The following DNAH9 variants were observed in gnomAD, a reference collection of about 807,000 sequenced individuals.
The protein encoded by DNAH9 is dynein axonemal heavy chain 9, also known as DNAH9 variant protein.
In DNAH9, 345 loss-of-function variants were observed where a neutral mutation model predicts 471.6. The observed-to-expected ratio is 0.73, with a 90% confidence interval of 0.67 to 0.80. The LOEUF is 0.80. Among genes scored for constraint, DNAH9 ranks in the 30% least tolerant of loss-of-function variants. DNAH9 has a pLI of 0.00. For missense variants in DNAH9, 5,407 were observed against 5,609.2 expected (o/e 0.96, Z 1.15); for synonymous variants, 2,093 against 2,123.6 (o/e 0.99, Z 0.40).
intron 21 of DNAH9, 90 bp downstream of exon 21, chr17:11,694,088 T>C (rs2074386385): frequency 2.0e-6 from 3 of 1,499,654 alleles, no homozygotes; most frequent in Non-Finnish European, 2.7e-6. Flanking sequence ...GAAGTGAGTA[T>C]GGGTGCCTTG....
At chr17:11,655,931 T>C (rs1256657807) in intron 14 of DNAH9, among the ~76,000 whole-genome samples, 1 of 152,080 alleles carries the variant, frequency 6.6e-6, no homozygotes, top group Non-Finnish European at 1.5e-5. Context: ...CACATACATA[T>C]ACATATCACA....
intron 59 of DNAH9, among the ~76,000 whole-genome samples, chr17:11,900,195 C>T (rs1973360682): frequency 6.6e-6 from 1 of 152,018 alleles, no homozygotes; most frequent in Admixed American, 6.6e-5. Context: ...CCCGGTGCCT[C>T]CTGCTCCACT....
chr17:11,813,720 T>G (rs1970000303), intron 45 of DNAH9, among the ~76,000 whole-genome samples: 1 of 152,226 alleles, frequency 6.6e-6, no homozygotes, highest in African/African-American at 2.4e-5. Flanking sequence ...TTTCATTTCT[T>G]GTTTTCCTGA....
intron 6 of DNAH9, among the ~76,000 whole-genome samples, chr17:11,621,621 C>A (rs1242307125): frequency 6.6e-6 from 1 of 152,112 alleles, no homozygotes; most frequent in Non-Finnish European, 1.5e-5. Context: ...CACCATGTGC[C>A]AGGCACGGAG....
At chr17:11,926,697 G>A (rs773077938) in intron 62 of DNAH9, among the ~76,000 whole-genome samples, 3 of 152,108 alleles carry the variant, frequency 2.0e-5, no homozygotes, top group Non-Finnish European at 4.4e-5. Flanking sequence ...TTGCTATTGT[G>A]AATAGTGCTG....
chr17:11,670,860 C>T (rs887962593), intron 17 of DNAH9, among the ~76,000 whole-genome samples: 2 of 152,142 alleles, frequency 1.3e-5, no homozygotes, highest in South Asian at 2.1e-4. Context: ...TGTGCCACCA[C>T]GCCTGGGTAA....
intron 67 of DNAH9, among the ~76,000 whole-genome samples, chr17:11,954,670 A>G (rs954124419): frequency 1.3e-5 from 2 of 151,958 alleles, no homozygotes; most frequent in Non-Finnish European, 2.9e-5. Flanking sequence ...GGGACAAGAA[A>G]TGTTAAAGAA....
intron 61 of DNAH9, among the ~76,000 whole-genome samples, chr17:11,907,007 TTAAAA>T (rs772659647): frequency 7.9e-4 from 120 of 152,204 alleles, no homozygotes; most frequent in Non-Finnish European, 1.3e-3. Context: ...ACCACTGAAC[TTAAAA>T]TAAAGTTAAA....
At chr17:11,698,117 CTA>C (rs1432567568) in intron 22 of DNAH9, among the ~76,000 whole-genome samples, 2 of 125,858 alleles carry the variant, frequency 1.6e-5, no homozygotes, top group Non-Finnish European at 3.1e-5. Context: ...TAAAATTTAG[CTA>C]TATATAATAT....
chr17:11,703,626 C>A (rs2074642979), intron 24 of DNAH9, among the ~76,000 whole-genome samples: 2 of 152,278 alleles, frequency 1.3e-5, no homozygotes, highest in Middle Eastern at 3.4e-3. Context: ...TATTTTTAAT[C>A]TCTGAAAATG....
chr17:11,607,372 C>T (rs929466), intron 1 of DNAH9, among the ~76,000 whole-genome samples: 77,224 of 151,848 alleles, frequency 0.51, 20,012 homozygotes, highest in Non-Finnish European at 0.56. Flanking sequence ...CTCTTGGGAA[C>T]AGACTAAATG....
chr17:11,863,697 G>A (rs1971940058), intron 50 of DNAH9, among the ~76,000 whole-genome samples: 1 of 150,684 alleles, frequency 6.6e-6, no homozygotes, highest in Non-Finnish European at 1.5e-5. Flanking sequence ...CACAATTTCA[G>A]CTCCTGTTAT....
At chr17:11,885,966 CAT>C in intron 56 of DNAH9, among the ~76,000 whole-genome samples, 1 of 152,316 alleles carries the variant, frequency 6.6e-6, no homozygotes, top group East Asian at 1.9e-4. Context: ...CTTTTAGAAG[CAT>C]AGTCTAACAG....
At chr17:11,850,699 C>T (rs1473318206) in intron 49 of DNAH9, among the ~76,000 whole-genome samples, 2 of 151,820 alleles carry the variant, frequency 1.3e-5, no homozygotes, top group Non-Finnish European at 2.9e-5. Context: ...CTATTAGCAC[C>T]ACGCTGCTCT....
At chr17:11,916,972 T>C (rs1973980196) in intron 61 of DNAH9, among the ~76,000 whole-genome samples, 1 of 152,162 alleles carries the variant, frequency 6.6e-6, no homozygotes, top group South Asian at 2.1e-4. Context: ...AATCTATAAT[T>C]TGTAGGCACT....
intron 31 of DNAH9, among the ~76,000 whole-genome samples, chr17:11,745,987 GA>G (rs2075517745): frequency 6.6e-6 from 1 of 152,162 alleles, no homozygotes; most frequent in South Asian, 2.1e-4. Context: ...AAGAATTCTA[GA>G]AAAAGAACAG....
rs1024344270 is a variant in DNAH9 at position 11,857,059 on chromosome 17, G to A, written c.9933+2631G>A. Among the ~76,000 whole-genome samples, 5 of 152,040 alleles carry A rather than the reference G, an allele frequency of 3.3e-5. No homozygotes were observed. The South Asian group carries it at 6.2e-4, about 19-fold the overall frequency. Reference sequence around the variant, plus strand: ...GCTTTTTGGGAGGAAAAGATCTCCCGATAATTTTTATATTTTTCAGTCTCT... The same window carrying A: ...GCTTTTTGGGAGGAAAAGATCTCCCAATAATTTTTATATTTTTCAGTCTCT... On this transcript the variant is annotated intron_variant, in intron 50 of 68. Coordinates refer to ENST00000262442, the MANE Select transcript of DNAH9 (RefSeq NM_001372.4).
At chr17:11,879,348 A>G (rs1972626855) in intron 53 of DNAH9, among the ~76,000 whole-genome samples, 3 of 151,664 alleles carry the variant, frequency 2.0e-5, no homozygotes, top group Admixed American at 1.3e-4. Context: ...TTAGATAATG[A>G]CTCCCTCCTC....
intron 67 of DNAH9, among the ~76,000 whole-genome samples, chr17:11,961,551 C>T (rs1976182132): frequency 6.6e-6 from 1 of 151,922 alleles, no homozygotes; most frequent in South Asian, 2.1e-4. Context: ...TGGCACTGAA[C>T]CCACAAGTGG....
Sources: allele counts gnomAD v4.1 joint callset (sites outside exome capture counted in the v4.1 genomes callset), GRCh38; gene constraint gnomAD v4.1.1; transcripts MANE v1.5; gene names NCBI Gene and HGNC (gene_info 2026-07-23, HGNC 2026-07-21).